Variants in UGGT2 observed in about 807,000 individuals in gnomAD.
UGGT2 encodes the protein UDP-glucose:glycoprotein glucosyltransferase 2.
Under a neutral mutation model 192.1 loss-of-function variants are expected in UGGT2, and 180 were observed. The observed-to-expected ratio is 0.94, with a 90% CI of 0.83 to 1.06. The LOEUF (loss-of-function observed/expected upper bound fraction) is 1.06, where lower values mean the gene tolerates loss of function less well. Ranked by LOEUF, UGGT2 falls within the 50% of genes least tolerant of loss-of-function variation. The probability of loss-of-function intolerance (pLI) is 0.00; values close to 1 mark genes in which losing one functional copy is unlikely to be tolerated. For synonymous variants in UGGT2, 580 were observed against 591.0 expected (o/e 0.98, Z 0.27); for missense variants, 1,849 against 1,795.7 (o/e 1.03, Z -0.54).
At chr13:95,986,477 C>T (rs773473839) in intron 8 of UGGT2, 45 bp from the exon 9 acceptor site, 8 of 1,328,638 alleles carry the variant, frequency 6.0e-6, no homozygotes, top group South Asian at 1.3e-5. Context: ...AATATTAGAC[C>T]TTTATAGACA....
At chr13:95,862,445 C>A (rs1890247374) in intron 31 of UGGT2, among the ~76,000 whole-genome samples, 1 of 152,150 alleles carries the variant, frequency 6.6e-6, no homozygotes, top group African/African-American at 2.4e-5. Flanking sequence ...TTTGTTTTTG[C>A]TCACCTAACA....
intron 13 of UGGT2, 137 bp from the exon 14 acceptor site, chr13:95,948,218 T>TACACACACACACACACACACAC (rs149949392): frequency 3.2e-6 from 1 of 311,116 alleles, no homozygotes; most frequent in African/African-American, 2.3e-5. Flanking sequence ...TTCTAAGGAA[T>TACACACACACACACACACACAC]ACACACACAC....
At chr13:95,971,649 T>C (rs1164006879) in intron 11 of UGGT2, among the ~76,000 whole-genome samples, 3 of 152,218 alleles carry the variant, frequency 2.0e-5, no homozygotes, top group Admixed American at 1.3e-4. Flanking sequence ...TGGGCACATA[T>C]ATAATTTTTG....
At chr13:95,875,307 ATAGTC>A (rs1387836334) in intron 29 of UGGT2, among the ~76,000 whole-genome samples, 2 of 152,080 alleles carry the variant, frequency 1.3e-5, no homozygotes, top group Non-Finnish European at 2.9e-5. Context: ...TTGAGTTCTG[ATAGTC>A]TTTATATATT....
At chr13:95,819,528 AT>A (rs1885278061) in intron 38 of UGGT2, among the ~76,000 whole-genome samples, 1 of 64,484 alleles carries the variant, frequency 1.6e-5, no homozygotes, top group African/African-American at 4.4e-5. Flanking sequence ...ATGTAATAGT[AT>A]ATATGTATAT....
chr13:95,935,487 A>G (rs2049433540), intron 17 of UGGT2, among the ~76,000 whole-genome samples: 1 of 152,184 alleles, frequency 6.6e-6, no homozygotes, highest in Non-Finnish European at 1.5e-5. Flanking sequence ...GAATGCTGAA[A>G]ATAGACCACT....
intron 9 of UGGT2, among the ~76,000 whole-genome samples, chr13:95,984,331 T>A (rs961630220): frequency 2.0e-5 from 3 of 152,172 alleles, no homozygotes; most frequent in African/African-American, 7.2e-5. Context: ...AATTTGTTTA[T>A]TAAAAACATT....
rs142653379 is a variant in UGGT2, at chr13:95,943,097, C to T, written c.1678-3006G>A. ...TTTGATAGATATGTCTTTCCCTGAA[C>T]CAATACCACAAACTTTATACATCTT... On this transcript the variant is annotated intron_variant, in intron 15 of 38. Coordinates refer to ENST00000376747, the MANE Select transcript of UGGT2 (RefSeq NM_020121.4). Among the ~76,000 whole-genome samples, 551 of 152,172 alleles carry T rather than the reference C, an allele frequency of 3.6e-3. 7 individuals carry two copies. The highest frequency in any genetic ancestry group is 0.013 in the African/African-American group (527 of 41,544).
intron 30 of UGGT2, among the ~76,000 whole-genome samples, chr13:95,866,727 A>C (rs560763386): frequency 6.6e-6 from 1 of 152,134 alleles, no homozygotes; most frequent in Non-Finnish European, 1.5e-5. Flanking sequence ...AATGGCAGTT[A>C]AAAGTGTGAC....
intron 20 of UGGT2, among the ~76,000 whole-genome samples, chr13:95,914,952 A>T (rs1471402858): frequency 6.6e-6 from 1 of 152,226 alleles, no homozygotes; most frequent in African/African-American, 2.4e-5. Context: ...CAAAATGTAA[A>T]GTGACATGCA....
chr13:95,876,288 G>A (rs1235079341), intron 29 of UGGT2, among the ~76,000 whole-genome samples: 2 of 152,196 alleles, frequency 1.3e-5, no homozygotes, highest in Non-Finnish European at 2.9e-5. Flanking sequence ...GTCATTAAAT[G>A]ATCAAAATAT....
At chr13:95,946,222 TATC>T (rs2049862750) in intron 15 of UGGT2, among the ~76,000 whole-genome samples, 1 of 152,232 alleles carries the variant, frequency 6.6e-6, no homozygotes, top group African/African-American at 2.4e-5. Flanking sequence ...TACCAATTTC[TATC>T]ATCTGTTATA....
At chr13:95,910,331 GTCTTCAGGAGACCCA>G (rs1017206226) in intron 20 of UGGT2, among the ~76,000 whole-genome samples, 30 of 152,304 alleles carry the variant, frequency 2.0e-4, no homozygotes, top group African/African-American at 7.2e-4. Context: ...TCAGTGTGCT[GTCTTCAGGAGACCCA>G]TCTCATGTGC....
In UGGT2 at chr13:95,989,222, GTAT is replaced by G. The variant is rs1594520028; in HGVS notation, c.931+748_931+750del. Among the ~76,000 whole-genome samples the G allele has an allele frequency of 3.9e-5, 6 of 152,080 alleles. No individual in the cohort carries two copies. In the East Asian group the frequency reaches 1.2e-3, roughly 29 times the overall value. ...GTATGTGAACGTATTAGTATGAATA[GTAT>G]TATTATAGTAATGTCATTATTTACA... is the stretch of plus-strand genomic sequence containing the variant. On this transcript the variant is annotated intron_variant, in intron 8 of 38. Transcript: ENST00000376747.
At chr13:95,968,819 G>A (rs1325398094) in intron 12 of UGGT2, among the ~76,000 whole-genome samples, 1 of 152,080 alleles carries the variant, frequency 6.6e-6, no homozygotes, top group African/African-American at 2.4e-5. Flanking sequence ...ATGTATACAT[G>A]TATGAAGAAT....
rs552345367 is a variant in UGGT2 at position 96,039,879 on chromosome 13, G to A, written c.159-7908C>T. Among the ~76,000 whole-genome samples the A allele has an allele frequency of 8.3e-4, 127 of 152,222 alleles. 1 individual carries two copies. The highest frequency in any genetic ancestry group is 2.4e-3 in the Admixed American group (37 of 15,298). ...CTCATTTCCTTCCAAGCCATGGCCA[G>A]AACAGACTTCAATGTTCATATTTCT... On this transcript the variant is annotated intron_variant, in intron 1 of 38. Coordinates refer to ENST00000376747, the MANE Select transcript of UGGT2 (RefSeq NM_020121.4).
chr13:95,909,544 T>C (rs1191089538), intron 20 of UGGT2, among the ~76,000 whole-genome samples: 8 of 133,040 alleles, frequency 6.0e-5, no homozygotes, highest in South Asian at 2.5e-4. Context: ...TAGGTGGGAA[T>C]TGAACAATGA....
chr13:95,910,502 A>T (rs1325113785), intron 20 of UGGT2, among the ~76,000 whole-genome samples: 2 of 152,236 alleles, frequency 1.3e-5, no homozygotes, highest in Non-Finnish European at 2.9e-5. Flanking sequence ...AGGCCAGTAC[A>T]TAATGGTAAA....
intron 12 of UGGT2, 55 bp downstream of exon 12, chr13:95,970,057 G>A: frequency 6.6e-7 from 1 of 1,508,462 alleles, no homozygotes; most frequent in Admixed American, 2.0e-5. Context: ...TTCATTTTAT[G>A]TTAAGCCTTA....
Sources: gnomAD v4.1 joint callset for allele counts (sites outside exome capture counted in the v4.1 genomes callset) on GRCh38, gnomAD v4.1.1 for gene constraint, MANE v1.5 for transcripts, NCBI Gene and HGNC (gene_info 2026-07-23, HGNC 2026-07-21) for gene names.